ELK3: variants seen among roughly 807,000 people sequenced by gnomAD.
ELK3 encodes the protein ETS transcription factor ELK3, also known as ETS domain-containing protein Elk-3.
Under a neutral mutation model 28.9 loss-of-function variants are expected in ELK3, and 10 were observed. The observed-to-expected ratio is 0.35, with a 90% CI of 0.21 to 0.59. ELK3 has a LOEUF of 0.59. ELK3 is among the 20% of genes least tolerant of loss of function. The pLI is 0.82. For missense variants in ELK3, 463 were observed against 517.3 expected (o/e 0.90, Z 1.02); for synonymous variants, 272 against 243.5 (o/e 1.12, Z -1.09).
chr12:96,253,795 A>T (rs978648212), intron 3 of ELK3, among the ~76,000 whole-genome samples: 3 of 152,260 alleles, frequency 2.0e-5, no homozygotes, highest in African/African-American at 7.2e-5. Flanking sequence ...GTCCAGTAAC[A>T]AATGTTTATC....
intron 2 of ELK3, among the ~76,000 whole-genome samples, chr12:96,245,031 G>A (rs553262450): frequency 6.6e-6 from 1 of 152,132 alleles, no homozygotes; most frequent in East Asian, 1.9e-4. Flanking sequence ...CAAGGTGGCC[G>A]CGGCCACTGG....
chr12:96,251,203 C>T (rs989472950), intron 3 of ELK3, among the ~76,000 whole-genome samples: 5 of 152,102 alleles, frequency 3.3e-5, no homozygotes, highest in African/African-American at 1.2e-4. Context: ...CTGAGATCAG[C>T]GAGCTTTGAT....
intron 3 of ELK3, among the ~76,000 whole-genome samples, chr12:96,259,183 CCAG>C (rs2137041948): frequency 6.6e-6 from 1 of 152,266 alleles, no homozygotes; most frequent in East Asian, 1.9e-4. Flanking sequence ...GAATTTTCCA[CCAG>C]AATGTTTAGG....
intron 1 of ELK3, among the ~76,000 whole-genome samples, chr12:96,206,293 CTCT>C (rs1245716816): frequency 6.6e-6 from 1 of 151,912 alleles, no homozygotes; most frequent in African/African-American, 2.4e-5. Context: ...CTTTTTCTTT[CTCT>C]TCTTTCTCTT....
intron 1 of ELK3, chr12:96,213,762 G>C (rs895573944): frequency 6.6e-6 from 1 of 152,048 alleles, no homozygotes; most frequent in Non-Finnish European, 1.5e-5. Context: ...TTCATGCTCT[G>C]TTGCCCAGGC....
intron 2 of ELK3, among the ~76,000 whole-genome samples, chr12:96,240,474 T>C (rs892844722): frequency 6.6e-6 from 1 of 152,182 alleles, no homozygotes; most frequent in African/African-American, 2.4e-5. Context: ...TCAGTCCCCA[T>C]TTTATACATG....
At chr12:96,242,171 C>T (rs752282600) in intron 2 of ELK3, among the ~76,000 whole-genome samples, 1 of 152,168 alleles carries the variant, frequency 6.6e-6, no homozygotes, top group African/African-American at 2.4e-5. Flanking sequence ...CATCACTTAC[C>T]ATAATAAGAG....
rs371612002 is a variant in ELK3 at position 96,247,770 on chromosome 12, C to T, written c.1002+36C>T. On this transcript the variant is annotated intron_variant, in intron 3 of 4. Transcript: ENST00000228741. The surrounding 1 kb of genome is among the most constrained non-coding windows in gnomAD (Gnocchi z 5.5). The stretch of plus-strand genomic sequence containing the variant: ...TTCCTGTCATCTAAGCCACAGCCAG[C>T]TTCAGTGGCTTAGCAAAAAAGGAAG... The T allele has an allele frequency of 4.7e-6, 7 of 1,474,654 alleles. No homozygotes were observed. The highest frequency in any genetic ancestry group is 6.3e-6 in the Non-Finnish European group (7 of 1,115,990). The allele number at this position is 1,474,654 out of a possible 1,614,324, so 91.3% of individuals were successfully genotyped here. A position where few individuals can be genotyped will look rare whatever the true frequency, so the allele number is the denominator to read the frequency against.
At chr12:96,221,475 C>T (rs1260595218) in intron 1 of ELK3, among the ~76,000 whole-genome samples, 3 of 152,230 alleles carry the variant, frequency 2.0e-5, no homozygotes, top group Non-Finnish European at 2.9e-5. Context: ...CCAAACCCAC[C>T]GGCAGCCTTC....
At position 96,249,140 on chromosome 12, in the gene ELK3, G is replaced by A. The variant is rs76727395; in HGVS notation, c.1002+1406G>A. Among the ~76,000 whole-genome samples the A allele has an allele frequency of 7.6e-3, 1,161 of 152,304 alleles. 16 individuals carry two copies. The highest frequency in any genetic ancestry group is 0.027 in the African/African-American group (1,114 of 41,574). The stretch of plus-strand genomic sequence containing the variant: ...ATGAGGCACAGAGGTAAAGTAGTTC[G>A]TCCAGGGTCCCACAGCCAATAGGTG... On this transcript the variant is annotated intron_variant, in intron 3 of 4. Coordinates refer to ENST00000228741, the MANE Select transcript of ELK3 (RefSeq NM_005230.4).
intron 2 of ELK3, among the ~76,000 whole-genome samples, chr12:96,236,691 C>T (rs1951786528): frequency 6.6e-6 from 1 of 152,202 alleles, no homozygotes; most frequent in Non-Finnish European, 1.5e-5. Context: ...GGGCTAGTTG[C>T]ACCCCAGTGG....
intron 2 of ELK3, among the ~76,000 whole-genome samples, chr12:96,229,674 G>A (rs138524609): frequency 0.048 from 7,323 of 152,038 alleles, 466 homozygotes; most frequent in East Asian, 0.2. Context: ...TGGGACTACA[G>A]GCATGTGCCA....
intron 2 of ELK3, among the ~76,000 whole-genome samples, chr12:96,236,077 T>C (rs1419440663): frequency 1.3e-5 from 2 of 152,174 alleles, no homozygotes; most frequent in Admixed American, 1.3e-4. Context: ...CCACCTGCCT[T>C]GGCCTCCCAA....
chr12:96,264,087 C>T (rs1019416), intron 4 of ELK3, among the ~76,000 whole-genome samples: 70,010 of 152,030 alleles, frequency 0.46, 17,308 homozygotes, highest in South Asian at 0.63. Context: ...AGCGATCCTC[C>T]CACCTCAGCC....
At chr12:96,257,920 T>C (rs1263850514) in intron 3 of ELK3, among the ~76,000 whole-genome samples, 1 of 152,258 alleles carries the variant, frequency 6.6e-6, no homozygotes, top group African/African-American at 2.4e-5. Context: ...AATCCATTTA[T>C]TCATTCAAAA....
chr12:96,256,249 T>C (rs926445184), intron 3 of ELK3, among the ~76,000 whole-genome samples: 4 of 152,190 alleles, frequency 2.6e-5, no homozygotes, highest in African/African-American at 9.6e-5. Flanking sequence ...CTCCAGAGGC[T>C]ATGTCCGGAG....
chr12:96,264,994 A>G (rs546021511), intron 4 of ELK3, among the ~76,000 whole-genome samples: 38 of 152,282 alleles, frequency 2.5e-4, no homozygotes, highest in Non-Finnish European at 4.1e-4. Context: ...CTCAAGTTTT[A>G]AGTTTGTGGT....
rs368524043 is a variant in ELK3 at position 96,246,920 on chromosome 12, G to T, written c.208-20G>T. 1 of 1,565,094 alleles carries T rather than the reference G, an allele frequency of 6.4e-7. No individual in the cohort carries two copies. The highest frequency in any genetic ancestry group is 8.7e-7 in the Non-Finnish European group (1 of 1,153,886). On this transcript the variant is annotated intron_variant, in intron 2 of 4. Transcript: ENST00000228741. ...TCTCGGGTGCACTCAGATTTTCAAC[G>T]TCTACTTTTGTATTTGCAGAACATC...
At chr12:96,262,164 G>A (rs754274144) in intron 4 of ELK3, among the ~76,000 whole-genome samples, 9 of 151,968 alleles carry the variant, frequency 5.9e-5, no homozygotes, top group South Asian at 2.1e-4. Flanking sequence ...GACTACAGGC[G>A]TGTACCACCA....
Sources: allele counts gnomAD v4.1 joint callset (sites outside exome capture counted in the v4.1 genomes callset), GRCh38; gene constraint gnomAD v4.1.1; non-coding constraint Gnocchi (gnomAD v3.1); transcripts MANE v1.5; gene names NCBI Gene and HGNC (gene_info 2026-07-23, HGNC 2026-07-21).